The following CAMTA1 variants were observed in gnomAD, a reference collection of about 807,000 sequenced individuals.
The protein encoded by CAMTA1 is calmodulin binding transcription activator 1.
Under a neutral mutation model 170.9 loss-of-function variants are expected in CAMTA1, and 27 were observed. The ratio of observed to expected loss-of-function variants is 0.16; its 90% CI spans 0.12 to 0.22. The LOEUF (loss-of-function observed/expected upper bound fraction) is 0.22. CAMTA1 is among the 10% of genes least tolerant of loss of function. The pLI is 1.00. For missense variants in CAMTA1, 1,619 were observed against 2,217.2 expected (o/e 0.73, Z 5.42); for synonymous variants, 833 against 891.5 (o/e 0.93, Z 1.17).
chr1:7,710,488 T>C (rs1483082638), intron 11 of CAMTA1, among the ~76,000 whole-genome samples: 1 of 150,622 alleles, frequency 6.6e-6, no homozygotes, highest in Non-Finnish European at 1.5e-5. Context: ...TAGTCCCAGC[T>C]ACTCAGGAGG....
intron 5 of CAMTA1, among the ~76,000 whole-genome samples, chr1:7,338,992 A>G (rs1393311538): frequency 6.6e-6 from 1 of 152,172 alleles, no homozygotes; most frequent in Non-Finnish European, 1.5e-5. Flanking sequence ...AGGATGAGAG[A>G]GAACAGGGAG....
chr1:7,200,653 G>C (rs941509370), intron 4 of CAMTA1, among the ~76,000 whole-genome samples: 7 of 152,144 alleles, frequency 4.6e-5, no homozygotes, highest in Non-Finnish European at 8.8e-5. Flanking sequence ...AGATTACACA[G>C]TGTTGTCCAA....
chr1:7,151,307 G>A (rs1646562147), intron 4 of CAMTA1, among the ~76,000 whole-genome samples: 1 of 152,228 alleles, frequency 6.6e-6, no homozygotes, highest in African/African-American at 2.4e-5. Context: ...ATTAACTGAT[G>A]CGTGATTCTT....
chr1:7,639,994 G>A (rs958582200), intron 6 of CAMTA1, among the ~76,000 whole-genome samples: 1 of 152,138 alleles, frequency 6.6e-6, no homozygotes, highest in African/African-American at 2.4e-5. Flanking sequence ...CAGTGGCTGT[G>A]GTGCGAGGTC....
At chr1:7,374,119 C>A (rs1472021018) in intron 5 of CAMTA1, among the ~76,000 whole-genome samples, 1 of 152,224 alleles carries the variant, frequency 6.6e-6, no homozygotes, top group Non-Finnish European at 1.5e-5. Context: ...ACGTCATTGA[C>A]AAATTGCCCA....
intron 3 of CAMTA1, among the ~76,000 whole-genome samples, chr1:7,038,649 A>G (rs1703984252): frequency 6.6e-6 from 1 of 152,240 alleles, no homozygotes; most frequent in Non-Finnish European, 1.5e-5. Context: ...ATATTTCAAC[A>G]GGTAGGAATA....
intron 5 of CAMTA1, among the ~76,000 whole-genome samples, chr1:7,298,115 G>T (rs113280723): frequency 0.044 from 6,744 of 152,202 alleles, 224 homozygotes; most frequent in Non-Finnish European, 0.058. Flanking sequence ...TTTTTAGGCT[G>T]GTATCTGTCT....
At chr1:7,484,791 A>T (rs962393750) in intron 6 of CAMTA1, among the ~76,000 whole-genome samples, 2 of 143,352 alleles carry the variant, frequency 1.4e-5, no homozygotes, top group Non-Finnish European at 3.0e-5. Context: ...TATGTCTCAG[A>T]AAAAAAAAAA....
chr1:7,766,696 T>C lies in CAMTA1; in HGVS notation c.*205T>C. 1.9e-6 allele frequency: 1 copy of C among 518,202 alleles called. No individual in the cohort carries two copies. The allele number at this position is 518,202 out of a possible 1,614,324, so 32.1% of individuals were successfully genotyped here. On this transcript the variant is annotated 3_prime_UTR_variant, in exon 23 of 23. Transcript: ENST00000303635. Reference sequence around the variant, plus strand: ...TGTTTTGGTCATTGCATTTGCACTTTCATGGACAACTTTTAATTTGATCAG... The same window carrying C: ...TGTTTTGGTCATTGCATTTGCACTTCCATGGACAACTTTTAATTTGATCAG...
intron 6 of CAMTA1, among the ~76,000 whole-genome samples, chr1:7,621,662 C>T (rs1332912174): frequency 3.3e-5 from 5 of 152,136 alleles, no homozygotes; most frequent in Admixed American, 6.5e-5. Context: ...GTACTTAAAT[C>T]GCAAGGAAAG....
At chr1:7,206,949 C>G (rs1657852181) in intron 4 of CAMTA1, among the ~76,000 whole-genome samples, 1 of 152,152 alleles carries the variant, frequency 6.6e-6, no homozygotes, top group African/African-American at 2.4e-5. Context: ...CCTGCTTCTT[C>G]TAAGTGCCCC....
intron 3 of CAMTA1, among the ~76,000 whole-genome samples, chr1:7,089,422 T>C (rs1641177992): frequency 6.6e-6 from 1 of 152,224 alleles, no homozygotes; most frequent in Admixed American, 6.5e-5. Context: ...CAGGAACTGC[T>C]GCATTTTGCT....
At chr1:6,835,786 T>A (rs958297128) in intron 3 of CAMTA1, among the ~76,000 whole-genome samples, 1 of 152,220 alleles carries the variant, frequency 6.6e-6, no homozygotes, top group Non-Finnish European at 1.5e-5. Context: ...TGTCTTTAGC[T>A]AGTAGGCACC....
rs997485816 is a variant in CAMTA1, at chr1:7,305,435, G to A, written c.438+55809G>A. Among the ~76,000 whole-genome samples the A allele has an allele frequency of 3.3e-4, 50 of 151,934 alleles. 1 individual carries two copies. Among genetic ancestry groups the A allele is most frequent in the Middle Eastern group, 3.4e-3 (1 of 294 alleles). On this transcript the variant is annotated intron_variant, in intron 5 of 22. Coordinates refer to ENST00000303635, the MANE Select transcript of CAMTA1 (RefSeq NM_015215.4). ...CAGCTGGTATTTTTACTGGAGTCAC[G>A]CCCTTACCTTACCCTGAAACCTATT...
intron 3 of CAMTA1, among the ~76,000 whole-genome samples, chr1:6,988,296 TGCATCCCG>T (rs1160635577): frequency 1.3e-5 from 2 of 152,134 alleles, no homozygotes; most frequent in Non-Finnish European, 2.9e-5. Context: ...GGCTCCATCC[TGCATCCCG>T]GCACCCCACC....
intron 22 of CAMTA1, among the ~76,000 whole-genome samples, chr1:7,759,399 C>T (rs1558320246): frequency 6.6e-6 from 1 of 152,152 alleles, no homozygotes; most frequent in Non-Finnish European, 1.5e-5. Context: ...AAATATTTTT[C>T]ACTGAGTACA....
rs1447143910 is a variant in CAMTA1 at position 7,041,587 on chromosome 1, T to C, written c.235-49717T>C. On this transcript the variant is annotated intron_variant, in intron 3 of 22. Coordinates refer to ENST00000303635, the MANE Select transcript of CAMTA1 (RefSeq NM_015215.4). This position sits in a 1 kb window ranked among gnomAD's most constrained non-coding sequence, Gnocchi z 5.1. ...GACAGTTCTGTAGAAATGTGAAACA[T>C]TATTATGTTATAGAATATTGGAGTG... Among the ~76,000 whole-genome samples, 5 of 152,230 alleles carry C rather than the reference T, an allele frequency of 3.3e-5. No homozygotes were observed. The highest frequency in any genetic ancestry group is 1.5e-5 in the Non-Finnish European group (1 of 68,036).
chr1:7,418,086 C>T (rs2091316393), intron 5 of CAMTA1, among the ~76,000 whole-genome samples: 2 of 136,206 alleles, frequency 1.5e-5, no homozygotes, highest in South Asian at 5.2e-4. Context: ...AAGACACCAC[C>T]TTCTCCCAGC....
At chr1:7,116,854 G>A (rs193290161) in intron 4 of CAMTA1, among the ~76,000 whole-genome samples, 6,097 of 150,760 alleles carry the variant, frequency 0.04, 151 homozygotes, top group Middle Eastern at 0.083. Flanking sequence ...GGGTTTCACC[G>A]TGTTAGCCAG....
Sources: gnomAD v4.1 joint callset for allele counts (sites outside exome capture counted in the v4.1 genomes callset) on GRCh38, gnomAD v4.1.1 for gene constraint, Gnocchi (gnomAD v3.1) non-coding constraint, MANE v1.5 for transcripts, NCBI Gene and HGNC (gene_info 2026-07-23, HGNC 2026-07-21) for gene names.